Variants in COL14A1 observed in about 807,000 individuals in gnomAD.
COL14A1 encodes collagen alpha-1(XIV) chain.
Under a neutral mutation model 230.3 loss-of-function variants are expected in COL14A1, and 136 were observed. That is an observed-to-expected ratio of 0.59 (90% CI 0.51 to 0.68). COL14A1 has a LOEUF of 0.68. COL14A1 is among the 30% of genes least tolerant of loss of function. COL14A1 has a pLI of 0.00. For synonymous variants in COL14A1, 792 were observed against 784.1 expected (o/e 1.01, Z -0.17); for missense variants, 1,976 against 2,215.8 (o/e 0.89, Z 2.17).
At chr8:120,318,116 C>T (rs1821299308) in intron 40 of COL14A1, among the ~76,000 whole-genome samples, 1 of 152,144 alleles carries the variant, frequency 6.6e-6, no homozygotes, top group South Asian at 2.1e-4. Flanking sequence ...CATAATGGTG[C>T]CCCTGAAATT....
chr8:120,269,729 C>T (rs1488072095), intron 25 of COL14A1, among the ~76,000 whole-genome samples: 1 of 151,546 alleles, frequency 6.6e-6, no homozygotes. Flanking sequence ...CCCTGTAGTC[C>T]CATCTTTTCC....
intron 45 of COL14A1, among the ~76,000 whole-genome samples, chr8:120,353,894 T>C (rs1329776790): frequency 2.6e-5 from 4 of 151,354 alleles, no homozygotes; most frequent in Non-Finnish European, 4.4e-5. Context: ...TTACTGGGTA[T>C]ATACCCAAAG....
chr8:120,247,783 A>G, intron 21 of COL14A1, 48 bp downstream of exon 21: 1 of 1,594,564 alleles, frequency 6.3e-7, no homozygotes. Context: ...TAGTCACTTA[A>G]AATGTCTTTT....
chr8:120,333,032 G>T (rs557040668), intron 42 of COL14A1, among the ~76,000 whole-genome samples: 8 of 152,348 alleles, frequency 5.3e-5, no homozygotes, highest in African/African-American at 1.7e-4. Flanking sequence ...TCTCTCCAGA[G>T]ATTGGGTACA....
intron 1 of COL14A1, among the ~76,000 whole-genome samples, chr8:120,137,210 T>G (rs1411478033): frequency 6.6e-6 from 1 of 152,170 alleles, no homozygotes; most frequent in Non-Finnish European, 1.5e-5. Context: ...AGTATTTCAA[T>G]AGTTTATTTC....
At chr8:120,283,130 C>T (rs1353134170) in intron 31 of COL14A1, among the ~76,000 whole-genome samples, 1 of 152,096 alleles carries the variant, frequency 6.6e-6, no homozygotes, top group African/African-American at 2.4e-5. Flanking sequence ...AGACAACACT[C>T]CCAGGACCAG....
At position 120,297,600 on chromosome 8, in the gene COL14A1, T is replaced by A; in HGVS notation, c.4314+12T>A. 1 of 1,354,486 alleles carries A rather than the reference T, an allele frequency of 7.4e-7. No individual in the cohort carries two copies. Among genetic ancestry groups the A allele is most frequent in the Non-Finnish European group, 9.6e-7 (1 of 1,039,302 alleles). The allele number at this position is 1,354,486 out of a possible 1,614,324, so 83.9% of individuals were successfully genotyped here. On this transcript the variant is annotated intron_variant, in intron 35 of 47. Transcript: ENST00000297848. Reference sequence around the variant, plus strand: ...AACTTCCAGGCCTGGTAAGAATTCTTCCTTCATTTCTATTGATTTTTTAAA... The same window carrying A: ...AACTTCCAGGCCTGGTAAGAATTCTACCTTCATTTCTATTGATTTTTTAAA...
chr8:120,151,069 T>C (rs1815263445), intron 2 of COL14A1, among the ~76,000 whole-genome samples: 1 of 151,728 alleles, frequency 6.6e-6, no homozygotes, highest in South Asian at 2.1e-4. Flanking sequence ...GCTGGAGAAA[T>C]TTTCAAGAAG....
At chr8:120,173,221 A>G (rs1816151502) in intron 5 of COL14A1, among the ~76,000 whole-genome samples, 1 of 152,152 alleles carries the variant, frequency 6.6e-6, no homozygotes, top group Non-Finnish European at 1.5e-5. Flanking sequence ...TGAGTGGATT[A>G]TAATCCATTA....
chr8:120,133,428 A>C (rs1456088431), intron 1 of COL14A1, among the ~76,000 whole-genome samples: 2 of 152,268 alleles, frequency 1.3e-5, no homozygotes, highest in Admixed American at 6.5e-5. Flanking sequence ...TAGAACCCAA[A>C]AGAATAATTC....
chr8:120,183,100 C>T (rs1816521855), intron 5 of COL14A1, among the ~76,000 whole-genome samples: 1 of 151,984 alleles, frequency 6.6e-6, no homozygotes, highest in African/African-American at 2.4e-5. Flanking sequence ...TTTTAGGTAT[C>T]TTGTATTGTG....
chr8:120,307,575 A>G (rs570876400), intron 36 of COL14A1, among the ~76,000 whole-genome samples: 1 of 152,358 alleles, frequency 6.6e-6, no homozygotes, highest in African/African-American at 2.4e-5. Context: ...TTAAAGAGAA[A>G]AAGACATGTA....
intron 24 of COL14A1, 96 bp from the exon 25 acceptor site, chr8:120,266,731 T>C: frequency 9.9e-7 from 1 of 1,007,378 alleles, no homozygotes; most frequent in African/African-American, 1.6e-5. Flanking sequence ...GTTGTCAAAA[T>C]CATTGACTAC....
chr8:120,274,961 A>G (rs1315081919), intron 26 of COL14A1, among the ~76,000 whole-genome samples: 1 of 140,932 alleles, frequency 7.1e-6, no homozygotes, highest in African/African-American at 2.8e-5. Flanking sequence ...TACAAATATC[A>G]ACATCGTTTT....
chr8:120,194,660 C>T (rs904298503), intron 5 of COL14A1, among the ~76,000 whole-genome samples: 3 of 152,100 alleles, frequency 2.0e-5, no homozygotes, highest in Non-Finnish European at 2.9e-5. Context: ...ATACCAATTT[C>T]ATTACCTCTC....
At chr8:120,228,634 C>T (rs1818165859) in intron 17 of COL14A1, 76 bp from the exon 18 acceptor site, 3 of 1,124,480 alleles carry the variant, frequency 2.7e-6, no homozygotes, top group Admixed American at 1.7e-5. Flanking sequence ...GTGAAATGTT[C>T]TTTGAAAGCT....
At chr8:120,200,577 T>C (rs1243812807) in intron 8 of COL14A1, among the ~76,000 whole-genome samples, 1 of 151,230 alleles carries the variant, frequency 6.6e-6, no homozygotes, top group Non-Finnish European at 1.5e-5. Flanking sequence ...GGAATACGTG[T>C]TTTAAAACCA....
chr8:120,148,144 CTTTT>C (rs59311466), intron 2 of COL14A1, among the ~76,000 whole-genome samples: 13 of 122,964 alleles, frequency 1.1e-4, no homozygotes, highest in Admixed American at 1.7e-4. Context: ...ATAGGTCATT[CTTTT>C]TTTTTTTTTT....
In COL14A1 at chr8:120,158,165, T is replaced by C. The variant is rs908564065; in HGVS notation, c.124T>C (p.Ser42Pro). 2.5e-6 allele frequency: 4 copies of C among 1,607,090 alleles called. No individual in the cohort carries two copies. The highest frequency in any genetic ancestry group is 2.7e-5 in the African/African-American group (2 of 74,624). The change falls in exon 3 of 48, where the codon TCT becomes CCT. Residue 42 changes from serine (S) to proline (P), a missense_variant. Transcript: ENST00000297848. Reference protein sequence around the residue: ...PPTRLRYNVISHDSIQISWKA... With the variant: ...PPTRLRYNVIPHDSIQISWKA... ...CACAAGGTTAAGATATAATGTAATA[T>C]CTCATGACAGTATACAGATTTCATG...
Sources: allele counts gnomAD v4.1 joint callset (sites outside exome capture counted in the v4.1 genomes callset), GRCh38; gene constraint gnomAD v4.1.1; transcripts MANE v1.5; gene names NCBI Gene and HGNC (gene_info 2026-07-23, HGNC 2026-07-21).